Variants in NOTCH1 observed in about 807,000 individuals in gnomAD.
The protein encoded by NOTCH1 is neurogenic locus notch homolog protein 1.
Under a neutral mutation model 254.8 loss-of-function variants are expected in NOTCH1, and 37 were observed. The ratio of observed to expected loss-of-function variants is 0.15; its 90% CI spans 0.11 to 0.19. The LOEUF is 0.19. NOTCH1 is among the 10% of genes least tolerant of loss of function. NOTCH1 has a pLI of 1.00. For missense variants in NOTCH1, 2,972 were observed against 3,708.6 expected (o/e 0.80, Z 5.16); for synonymous variants, 1,731 against 1,618.1 (o/e 1.07, Z -1.68).
At chr9:136,525,961 A>G (rs1384646489) in intron 2 of NOTCH1, among the ~76,000 whole-genome samples, 3 of 152,272 alleles carry the variant, frequency 2.0e-5, no homozygotes, top group African/African-American at 7.2e-5. Flanking sequence ...ACTGGCTTAA[A>G]GAAAACACAT....
At chr9:136,510,615 A>G (rs1050996480) in intron 17 of NOTCH1, 38 bp downstream of exon 17, 4 of 1,589,866 alleles carry the variant, frequency 2.5e-6, no homozygotes, top group African/African-American at 2.7e-5. Flanking sequence ...GAGGCCTGAG[A>G]GCTTCCTGGA....
chr9:136,510,443 C>G (rs11145766), intron 17 of NOTCH1: 11 of 639,720 alleles, frequency 1.7e-5, no homozygotes, highest in Admixed American at 2.6e-5. Flanking sequence ...GACTCTTCCG[C>G]GAAGTGCAGG....
In NOTCH1 at chr9:136,514,505, C is replaced by T. The variant is rs1214619547; in HGVS notation, c.2207+5G>A. 7.6e-6 allele frequency: 12 copies of T among 1,570,552 alleles called. No individual in the cohort carries two copies. Among genetic ancestry groups the T allele is most frequent in the African/African-American group, 1.3e-5 (1 of 74,406 alleles). On this transcript the variant is annotated splice_donor_5th_base_variant and intron_variant, in intron 13 of 33. Transcript: ENST00000651671. The stretch of plus-strand genomic sequence containing the variant: ...TGTGTCCCCATGATCGGCCCCGCCG[C>T]ATACCCGTTGAGGCTGTCCCGGCAG...
At position 136,497,171 on chromosome 9, in the gene NOTCH1, G is replaced by A. The variant is rs1037034230; in HGVS notation, c.6568C>T (p.Leu2190=). ...RKKSQDGKGC[L]LDSSGMLSPV... is the part of the protein sequence containing the mutation. Reference sequence around the variant, plus strand: ...GAGAGCATGCCGGAGCTGTCCAGCAGGCAGCCCTTGCCGTCCTGGGACTTC... The same window carrying A: ...GAGAGCATGCCGGAGCTGTCCAGCAAGCAGCCCTTGCCGTCCTGGGACTTC... Residue 2190 remains leucine (L), a synonymous_variant, in exon 34 of 34, where the codon CTG becomes TTG. Transcript: ENST00000651671. 2.8e-5 allele frequency: 45 copies of A among 1,612,782 alleles called. No individual in the cohort carries two copies. The Admixed American group carries it at 3.7e-4, about 13-fold the overall frequency.
At chr9:136,541,670 G>A (rs1371487761) in intron 2 of NOTCH1, among the ~76,000 whole-genome samples, 1 of 152,232 alleles carries the variant, frequency 6.6e-6, no homozygotes, top group Non-Finnish European at 1.5e-5. Context: ...AGGGGTGTAT[G>A]TTGGGTGGGG....
chr9:136,532,341 C>T (rs967501707), intron 2 of NOTCH1, among the ~76,000 whole-genome samples: 2 of 152,226 alleles, frequency 1.3e-5, no homozygotes, highest in South Asian at 2.1e-4. Flanking sequence ...CAGTGCCTCG[C>T]GGCCTCGCCC....
intron 18 of NOTCH1, 123 bp from the exon 19 acceptor site, chr9:136,509,194 G>A: frequency 1.0e-6 from 1 of 976,476 alleles, no homozygotes; most frequent in Non-Finnish European, 1.5e-6. Flanking sequence ...GCCAGGACAG[G>A]CCCAGGGCAG....
rs1040274348 is a variant in NOTCH1, at chr9:136,495,585, G to A, written c.*486C>T. ...GGCAGGTGATGCTGGTGGAGCGGCC[G>A]GGCTGGCTTGGGGTTGGGTGGGCGT... On this transcript the variant is annotated 3_prime_UTR_variant, in exon 34 of 34. Transcript: ENST00000651671. 5 of 400,128 alleles carry A rather than the reference G, an allele frequency of 1.2e-5. No homozygotes were observed. The highest frequency in any genetic ancestry group is 8.7e-5 in the Admixed American group (2 of 22,944). The allele number at this position is 400,128 out of a possible 1,614,324, so 24.8% of individuals were successfully genotyped here. A position where few individuals can be genotyped will look rare whatever the true frequency, so the allele number is the denominator to read the frequency against.
Position 136,511,231 on chromosome 9 carries a change from G to C in NOTCH1, c.2508C>G (p.Ser836Arg), listed in dbSNP as rs1471795551. The stretch of plus-strand genomic sequence containing the variant: ...TGCACTCCCCGCCGTTTCTGCAGGG[G>C]CTGGGGGCACACGGGGCCAGCACCA... The part of the protein sequence containing the change: ...CEVVLAPCAP[S>R]PCRNGGECRQ... The change falls in exon 16 of 34, where the codon AGC becomes AGG. Residue 836 changes from serine (S) to arginine (R), a missense_variant. Transcript: ENST00000651671. The C allele has an allele frequency of 6.2e-7, 1 of 1,612,646 alleles. No homozygotes were observed. Among genetic ancestry groups the C allele is most frequent in the East Asian group, 2.2e-5 (1 of 44,856 alleles).
chr9:136,522,713 G>A, intron 4 of NOTCH1, 137 bp downstream of exon 4: 1 of 821,560 alleles, frequency 1.2e-6, no homozygotes, highest in South Asian at 1.8e-5. Flanking sequence ...GCAGTCTGGG[G>A]AACTCGCCAT....
At chr9:136,510,857 G>A (rs1029629223) in intron 16 of NOTCH1, 52 bp from the exon 17 acceptor site, 2 of 1,599,384 alleles carry the variant, frequency 1.3e-6, no homozygotes, top group South Asian at 1.1e-5. Context: ...GGCCCTCCAG[G>A]CCCTTCCCAG....
chr9:136,536,241 C>T (rs1005839751), intron 2 of NOTCH1, among the ~76,000 whole-genome samples: 21 of 152,186 alleles, frequency 1.4e-4, no homozygotes, highest in Non-Finnish European at 2.6e-4. Context: ...GACAGGGCCT[C>T]GCTGTCAAGG....
intron 2 of NOTCH1, among the ~76,000 whole-genome samples, chr9:136,535,186 TGAGGACTCG>T (rs1435644638): frequency 6.6e-6 from 1 of 151,788 alleles, no homozygotes; most frequent in Admixed American, 6.6e-5. Context: ...GCTGAGGGGC[TGAGGACTCG>T]GAGGATGGGA....
chr9:136,543,968 G>A (rs1327299391), intron 2 of NOTCH1, 56 bp downstream of exon 2: 2 of 1,486,232 alleles, frequency 1.3e-6, no homozygotes, highest in Non-Finnish European at 1.8e-6. Context: ...CGCGGCTGCA[G>A]AAGGCAGGGG....
chr9:136,495,274 G>A lies in NOTCH1; in HGVS notation c.*797C>T, dbSNP rs894612034. The A allele has an allele frequency of 2.5e-6, 1 of 398,898 alleles. No individual in the cohort carries two copies. Among genetic ancestry groups the A allele is most frequent in the Non-Finnish European group, 4.4e-6 (1 of 226,100 alleles). 24.7% of individuals were successfully genotyped at this position (398,898 alleles called of 1,614,324 possible). On this transcript the variant is annotated 3_prime_UTR_variant, in exon 34 of 34. Coordinates refer to ENST00000651671, the MANE Select transcript of NOTCH1 (RefSeq NM_017617.5). ...GCCTACATTTCAAGAACGGGCAGGG[G>A]GCCGGGGTGGTTCTGGAGGGACCAA... is the stretch of plus-strand genomic sequence containing the variant.
Position 136,503,193 on chromosome 9 carries a change from T to C in NOTCH1, c.5156A>G (p.Glu1719Gly), listed in dbSNP as rs2133333140. The change falls in exon 27 of 34, where the codon GAG (glutamate) becomes GGG (glycine). Residue 1719 changes from glutamate to glycine, a missense_variant. By Grantham distance (98) the Glu-to-Gly change is moderately conservative. Around this residue, in one of 8 missense-constraint regions of NOTCH1, gnomAD observed 421 missense variants for 604.4 expected, o/e 0.70. Coordinates refer to ENST00000651671, the MANE Select transcript of NOTCH1 (RefSeq NM_017617.5). ...LGSLNIPYKI[E>G]AVQSETVEPP... ...GGGGCCACACTTACTCTGCACGGCC[T>C]CGATCTTGTAGGGGATGTTGAGGCT... 1 of 1,612,794 alleles carries C rather than the reference T, an allele frequency of 6.2e-7. No homozygotes were observed. The highest frequency in any genetic ancestry group is 8.5e-7 in the Non-Finnish European group (1 of 1,179,988).
At chr9:136,543,892 A>T in intron 2 of NOTCH1, 132 bp downstream of exon 2, 2 of 846,906 alleles carry the variant, frequency 2.4e-6, no homozygotes, top group South Asian at 2.9e-5. Context: ...AATAAAAGTC[A>T]GCACGTGACC....
intron 5 of NOTCH1, among the ~76,000 whole-genome samples, chr9:136,519,031 G>A (rs901780489): frequency 3.9e-5 from 6 of 152,214 alleles, no homozygotes; most frequent in Non-Finnish European, 5.9e-5. Flanking sequence ...ACACTGCTGC[G>A]TCGGGGTGCA....
In NOTCH1 at chr9:136,505,490, T is replaced by C. The variant is rs2133339335; in HGVS notation, c.4406A>G (p.Asn1469Ser). Residue 1469 changes from asparagine to serine, a missense_variant, in exon 25 of 34, where the codon AAC (asparagine) becomes AGC (serine). This residue lies in a region of NOTCH1 where 1,343 missense variants were observed against 1,557.0 expected (regional missense o/e 0.86). Coordinates refer to ENST00000651671, the MANE Select transcript of NOTCH1 (RefSeq NM_017617.5). Reference protein sequence around the residue: ...GNKVCSLQCNNHACGWDGGDC... With the variant: ...GNKVCSLQCNSHACGWDGGDC... ...ACCGCCGTCCCAGCCGCACGCGTGG[T>C]TGTTGCACTGCAGGCTGCAGACCTT... 1.2e-6 allele frequency: 2 copies of C among 1,612,814 alleles called. No homozygotes were observed. The highest frequency in any genetic ancestry group is 1.7e-6 in the Non-Finnish European group (2 of 1,180,008).
Sources: allele counts gnomAD v4.1 joint callset (sites outside exome capture counted in the v4.1 genomes callset), GRCh38; gene constraint gnomAD v4.1.1; regional missense constraint gnomAD v4.1.1; transcripts MANE v1.5; gene names NCBI Gene and HGNC (gene_info 2026-07-23, HGNC 2026-07-21).